The following CCNY variants were observed in gnomAD, a reference collection of about 807,000 sequenced individuals.
CCNY encodes cyclin Y, also known as cyclin-Y.
Under a neutral mutation model 42.8 loss-of-function variants are expected in CCNY, and 19 were observed. That is an observed-to-expected ratio of 0.44 (90% CI 0.31 to 0.65). The LOEUF is 0.65. CCNY is among the 30% of genes least tolerant of loss of function. The probability of loss-of-function intolerance (pLI) is 0.07; values close to 1 mark genes in which losing one functional copy is unlikely to be tolerated. For synonymous variants in CCNY, 165 were observed against 162.7 expected (o/e 1.01, Z -0.11); for missense variants, 370 against 437.3 (o/e 0.85, Z 1.37).
chr10:35,438,759 T>A (rs767408740), intron 1 of CCNY, among the ~76,000 whole-genome samples: 7 of 152,248 alleles, frequency 4.6e-5, no homozygotes, highest in Non-Finnish European at 8.8e-5. Context: ...TTACACACCC[T>A]CTTCTTCCTT....
intron 1 of CCNY, among the ~76,000 whole-genome samples, chr10:35,339,284 G>A (rs904321662): frequency 5.3e-5 from 8 of 152,124 alleles, no homozygotes; most frequent in African/African-American, 1.7e-4. Flanking sequence ...TCTCTCCAAG[G>A]TGATTCTGAG....
At chr10:35,409,602 TAAAAA>T (rs1446838609) in intron 1 of CCNY, among the ~76,000 whole-genome samples, 2 of 152,038 alleles carry the variant, frequency 1.3e-5, no homozygotes, top group South Asian at 2.1e-4. Flanking sequence ...ATTCTAAAAT[TAAAAA>T]GAAAACCTTA....
chr10:35,439,345 T>C (rs1838613849), intron 1 of CCNY, among the ~76,000 whole-genome samples: 2 of 152,226 alleles, frequency 1.3e-5, no homozygotes, highest in Non-Finnish European at 2.9e-5. Context: ...GTTTGGGTAA[T>C]TTCTTTTGTT....
intron 3 of CCNY, among the ~76,000 whole-genome samples, chr10:35,507,059 A>G (rs1045386278): frequency 1.3e-5 from 2 of 152,108 alleles, no homozygotes; most frequent in African/African-American, 4.8e-5. Context: ...TCTACTTGTC[A>G]CTTCATTGCT....
chr10:35,339,000 A>G (rs1425681058), intron 1 of CCNY, among the ~76,000 whole-genome samples: 6 of 152,192 alleles, frequency 3.9e-5, no homozygotes. Context: ...AGTCATCAGG[A>G]ATTTTTGAGA....
chr10:35,309,926 G>C (rs1031663227), intron 3 of CCNY, among the ~76,000 whole-genome samples: 1 of 151,548 alleles, frequency 6.6e-6, no homozygotes, highest in African/African-American at 2.4e-5. Flanking sequence ...TCAGCCTTCC[G>C]AGTAGCTGGG....
At chr10:35,377,455 T>C (rs890041828) in intron 1 of CCNY, among the ~76,000 whole-genome samples, 6 of 152,266 alleles carry the variant, frequency 3.9e-5, no homozygotes, top group Non-Finnish European at 8.8e-5. Context: ...TTGTAGCCTA[T>C]GAACAACCGG....
intron 1 of CCNY, among the ~76,000 whole-genome samples, chr10:35,414,061 A>C (rs531795200): frequency 6.6e-6 from 1 of 152,344 alleles, no homozygotes; most frequent in South Asian, 2.1e-4. Context: ...AGGCTAAAAA[A>C]TAGGCCTATT....
chr10:35,338,698 G>C lies in CCNY; in HGVS notation c.154+1491G>C, dbSNP rs114210387. On this transcript the variant is annotated intron_variant, in intron 1 of 9. Transcript: ENST00000374704. The stretch of plus-strand genomic sequence containing the variant: ...TACCCAGTCCTATACTATGTTGACA[G>C]GCGAAAACATTTGGAAATAATGTCT... 6.8e-3 allele frequency among the ~76,000 whole-genome samples: 1,033 copies of C among 152,260 alleles called. 10 individuals carry two copies. The highest frequency in any genetic ancestry group is 0.024 in the African/African-American group (987 of 41,534).
chr10:35,501,554 C>T lies in CCNY; in HGVS notation c.264+19C>T, dbSNP rs371445232. 6.2e-7 allele frequency: 1 copy of T among 1,608,382 alleles called. No homozygotes were observed. Among genetic ancestry groups the T allele is most frequent in the Non-Finnish European group, 8.5e-7 (1 of 1,174,814 alleles). On this transcript the variant is annotated intron_variant, in intron 3 of 9. Transcript: ENST00000374704. The stretch of plus-strand genomic sequence containing the variant: ...TAACCATGTAAGTGAAGCTGTCTCC[C>T]TGTGTTCTTCATAATGACTGTACAG...
intron 7 of CCNY, among the ~76,000 whole-genome samples, chr10:35,551,600 C>G (rs2135449510): frequency 6.6e-6 from 1 of 151,842 alleles, no homozygotes; most frequent in South Asian, 2.1e-4. Flanking sequence ...TTTCATAGTT[C>G]AGAGAAGTGT....
intron 2 of CCNY, among the ~76,000 whole-genome samples, chr10:35,489,274 T>C (rs1469417941): frequency 2.6e-5 from 4 of 152,228 alleles, no homozygotes; most frequent in African/African-American, 9.6e-5. Context: ...GAGGCAGTAT[T>C]CATCATCAAA....
intron 1 of CCNY, among the ~76,000 whole-genome samples, chr10:35,408,187 T>G (rs1564399791): frequency 6.6e-6 from 1 of 152,170 alleles, no homozygotes; most frequent in Non-Finnish European, 1.5e-5. Context: ...TTGGGCTGGT[T>G]AGTCTGAGGA....
chr10:35,307,388 A>T (rs1835619322), intron 3 of CCNY, among the ~76,000 whole-genome samples: 1 of 152,244 alleles, frequency 6.6e-6, no homozygotes, highest in South Asian at 2.1e-4. Flanking sequence ...TTAAAGAAGA[A>T]TGAAATGTTT....
chr10:35,254,078 C>T (rs1045233687), intron 3 of CCNY, among the ~76,000 whole-genome samples: 2 of 151,862 alleles, frequency 1.3e-5, no homozygotes, highest in South Asian at 2.1e-4. Context: ...GGGGTTTCAC[C>T]GTATTAACCA....
At chr10:35,351,758 T>G (rs934868950) in intron 1 of CCNY, among the ~76,000 whole-genome samples, 1 of 152,232 alleles carries the variant, frequency 6.6e-6, no homozygotes, top group African/African-American at 2.4e-5. Context: ...TTACAGGACC[T>G]TTTTTGGTAA....
chr10:35,262,597 T>A (rs7913451), intron 3 of CCNY, among the ~76,000 whole-genome samples: 1 of 151,726 alleles, frequency 6.6e-6, no homozygotes, highest in African/African-American at 2.4e-5. Context: ...CCTGACCTCA[T>A]GTGATGCATC....
chr10:35,514,075 CAAAA>C (rs11451104), intron 3 of CCNY, among the ~76,000 whole-genome samples: 5 of 76,178 alleles, frequency 6.6e-5, no homozygotes, highest in African/African-American at 1.5e-4. Flanking sequence ...AGGACCAGTT[CAAAA>C]AAAAAAAAAA....
At chr10:35,505,355 A>G (rs1226533609) in intron 3 of CCNY, among the ~76,000 whole-genome samples, 1 of 152,058 alleles carries the variant, frequency 6.6e-6, no homozygotes, top group African/African-American at 2.4e-5. Context: ...CCATAGGTGC[A>G]CTTTGAAACG....
Sources: gnomAD v4.1 joint callset for allele counts (sites outside exome capture counted in the v4.1 genomes callset) on GRCh38, gnomAD v4.1.1 for gene constraint, MANE v1.5 for transcripts, NCBI Gene and HGNC (gene_info 2026-07-23, HGNC 2026-07-21) for gene names.